Variants in TACC2 observed in about 807,000 individuals in gnomAD.
The protein encoded by TACC2 is transforming acidic coiled-coil containing protein 2.
In TACC2, 137 loss-of-function variants were observed where a neutral mutation model predicts 227.3. The observed-to-expected ratio is 0.60, with a 90% CI of 0.52 to 0.69. The LOEUF (loss-of-function observed/expected upper bound fraction) is 0.69, where lower values mean the gene tolerates loss of function less well. Among genes scored for constraint, TACC2 ranks in the 30% least tolerant of loss-of-function variants. TACC2 has a pLI of 0.00. For missense variants in TACC2, 3,470 were observed against 3,694.4 expected (o/e 0.94, Z 1.57); for synonymous variants, 1,523 against 1,487.5 (o/e 1.02, Z -0.55).
intron 2 of TACC2, among the ~76,000 whole-genome samples, chr10:122,047,837 C>T (rs550237656): frequency 4.6e-5 from 7 of 152,316 alleles, no homozygotes; most frequent in Non-Finnish European, 7.3e-5. Flanking sequence ...TGTTCTCTTT[C>T]CCCCACATTC....
chr10:122,070,571 T>G (rs1192329175), intron 3 of TACC2, among the ~76,000 whole-genome samples: 1 of 152,030 alleles, frequency 6.6e-6, no homozygotes, highest in Non-Finnish European at 1.5e-5. Flanking sequence ...CTGACCAACA[T>G]GGAGAAACCC....
At chr10:122,134,455 A>G (rs2089123091) in intron 6 of TACC2, among the ~76,000 whole-genome samples, 1 of 152,142 alleles carries the variant, frequency 6.6e-6, no homozygotes, top group Non-Finnish European at 1.5e-5. Flanking sequence ...CTGGGATTAC[A>G]GGCGTGAGCC....
At chr10:122,068,964 C>G (rs2136648949) in intron 3 of TACC2, among the ~76,000 whole-genome samples, 1 of 142,446 alleles carries the variant, frequency 7.0e-6, no homozygotes, top group East Asian at 2.2e-4. Flanking sequence ...TCCCAAAGTG[C>G]TGGCATTACA....
At chr10:122,046,904 G>A (rs1241020991) in intron 2 of TACC2, among the ~76,000 whole-genome samples, 1 of 152,106 alleles carries the variant, frequency 6.6e-6, no homozygotes, top group Non-Finnish European at 1.5e-5. Context: ...AAAAATGCAG[G>A]ACCCTGATAT....
intron 7 of TACC2, among the ~76,000 whole-genome samples, chr10:122,167,739 T>C (rs2093257611): frequency 6.6e-6 from 1 of 152,172 alleles, no homozygotes; most frequent in African/African-American, 2.4e-5. Context: ...CTGCAAAGAC[T>C]CTTGAGAAGA....
chr10:122,011,052 G>T (rs1955854853), intron 1 of TACC2, among the ~76,000 whole-genome samples: 1 of 152,188 alleles, frequency 6.6e-6, no homozygotes, highest in South Asian at 2.1e-4. Context: ...AATTTAGGTT[G>T]GCTCTTGGGT....
chr10:122,252,492 C>CT (rs1294906574), intron 22 of TACC2, among the ~76,000 whole-genome samples: 53 of 149,852 alleles, frequency 3.5e-4, no homozygotes, highest in African/African-American at 1.2e-3. Context: ...TTTTTTTTTT[C>CT]TTTCTTTTTT....
chr10:122,012,419 A>AAAAAAAAAC (rs1956062765), intron 1 of TACC2, among the ~76,000 whole-genome samples: 1 of 52,804 alleles, frequency 1.9e-5, no homozygotes, highest in Non-Finnish European at 3.8e-5. Flanking sequence ...ACTCCGTCTC[A>AAAAAAAAAC]AAAAAAAAAA....
At position 122,083,940 on chromosome 10, in the gene TACC2, G is replaced by T. The variant is rs1168555745; in HGVS notation, c.1440G>T (p.Glu480Asp). The change falls in exon 4 of 23, where the codon GAG (glutamate) becomes GAT (aspartate). Residue 480 changes from glutamate (E) to aspartate (D), a missense_variant. By Grantham distance (45) the Glu-to-Asp change is conservative (BLOSUM62 2). This residue lies in a region of TACC2 where 1,924 missense variants were observed against 1,978.3 expected (regional missense o/e 0.97). Coordinates refer to ENST00000369005, the MANE Select transcript of TACC2 (RefSeq NM_206862.4). ...RQVSDLGSKG[E>D]HPEGDPGEVP... ...TGTCAGATCTTGGAAGCAAGGGAGA[G>T]CATCCAGAAGGGGACCCTGGAGAGG... is the stretch of plus-strand genomic sequence containing the variant. 2 of 1,614,068 alleles carry T rather than the reference G, an allele frequency of 1.2e-6. No individual in the cohort carries two copies. The highest frequency in any genetic ancestry group is 1.7e-6 in the Non-Finnish European group (2 of 1,180,016).
chr10:122,225,509 G>A (rs2095610055), intron 12 of TACC2, among the ~76,000 whole-genome samples: 1 of 152,246 alleles, frequency 6.6e-6, no homozygotes, highest in African/African-American at 2.4e-5. Flanking sequence ...CCTGAGTAAA[G>A]CACATGGGCT....
At chr10:122,253,097 A>T (rs1033617054) in intron 22 of TACC2, among the ~76,000 whole-genome samples, 3 of 152,154 alleles carry the variant, frequency 2.0e-5, no homozygotes, top group African/African-American at 7.2e-5. Flanking sequence ...ATGTCTCAGG[A>T]GTTCTGAGGT....
Position 122,169,909 on chromosome 10 carries a change from C to G in TACC2, c.5835-25131C>G, listed in dbSNP as rs559010932. Among the ~76,000 whole-genome samples, 10 of 152,076 alleles carry G rather than the reference C, an allele frequency of 6.6e-5. No individual in the cohort carries two copies. In the East Asian group the frequency reaches 1.9e-3, roughly 30 times the overall value. ...GGGAATACGGGTGCACGCCACCATGCCTGGCTAATTTTTAAATTTTTTGTA... is the reference window on the plus strand; with the variant it reads ...GGGAATACGGGTGCACGCCACCATGGCTGGCTAATTTTTAAATTTTTTGTA... On this transcript the variant is annotated intron_variant, in intron 7 of 22. Coordinates refer to ENST00000369005, the MANE Select transcript of TACC2 (RefSeq NM_206862.4).
chr10:122,095,755 G>C (rs988508902), intron 5 of TACC2, among the ~76,000 whole-genome samples: 1 of 152,240 alleles, frequency 6.6e-6, no homozygotes, highest in Admixed American at 6.5e-5. Context: ...GTCCACCGAC[G>C]GTTCTTCAGT....
At chr10:122,139,548 G>C (rs1471202185) in intron 6 of TACC2, among the ~76,000 whole-genome samples, 1 of 152,168 alleles carries the variant, frequency 6.6e-6, no homozygotes, top group African/African-American at 2.4e-5. Flanking sequence ...GGCCTCCGTG[G>C]GACTGGCTGT....
intron 5 of TACC2, among the ~76,000 whole-genome samples, chr10:122,115,468 A>G (rs2084515011): frequency 6.6e-6 from 1 of 152,214 alleles, no homozygotes; most frequent in African/African-American, 2.4e-5. Flanking sequence ...TGGTTGTCCC[A>G]GTGACTGGGG....
At chr10:122,187,337 C>T (rs1468416633) in intron 7 of TACC2, among the ~76,000 whole-genome samples, 1 of 152,158 alleles carries the variant, frequency 6.6e-6, no homozygotes, top group Admixed American at 6.5e-5. Flanking sequence ...TCGGTACACT[C>T]TGGTGTCCAC....
Position 122,084,800 on chromosome 10 carries a change from G to T in TACC2, c.2300G>T (p.Cys767Phe). Reference sequence around the variant, plus strand: ...CCAGATCAACCCCGCGGGCCGGCGTGTGATGCGTCGAGACAGGAATTTCAT... The same window carrying T: ...CCAGATCAACCCCGCGGGCCGGCGTTTGATGCGTCGAGACAGGAATTTCAT... The part of the protein sequence containing the change: ...TSPDQPRGPA[C>F]DASRQEFHAG... The change falls in exon 4 of 23, where the codon TGT becomes TTT. Residue 767 changes from cysteine to phenylalanine, a missense_variant. Physicochemically the swap from Cys to Phe is radical, Grantham distance 205 (BLOSUM62 -2). Transcript: ENST00000369005. 5 of 1,613,676 alleles carry T rather than the reference G, an allele frequency of 3.1e-6. No individual in the cohort carries two copies. The highest frequency in any genetic ancestry group is 4.2e-6 in the Non-Finnish European group (5 of 1,180,028).
chr10:122,221,747 A>G (rs1415968990), intron 11 of TACC2, among the ~76,000 whole-genome samples: 2 of 152,180 alleles, frequency 1.3e-5, no homozygotes, highest in Non-Finnish European at 2.9e-5. Flanking sequence ...AAGGGTTTTT[A>G]TCTTAAAGTA....
Position 122,210,680 on chromosome 10 carries a change from G to T in TACC2, c.6255G>T (p.Arg2085=), listed in dbSNP as rs1261569123. Reference sequence around the variant, plus strand: ...CCATCTCTAAGTCTACACTGTCCCGGTCGCTCAGCCTGCAAGCCAGTGACT... The same window carrying T: ...CCATCTCTAAGTCTACACTGTCCCGTTCGCTCAGCCTGCAAGCCAGTGACT... ...SVPISKSTLS[R]SLSLQASDFD... The change falls in exon 9 of 23, where the codon CGG becomes CGT. Residue 2085 remains arginine (R), a synonymous_variant. Transcript: ENST00000369005. This position sits in a 1 kb window ranked among gnomAD's most constrained non-coding sequence, Gnocchi z 4.6. 7 of 1,613,940 alleles carry T rather than the reference G, an allele frequency of 4.3e-6. No homozygotes were observed. The South Asian group carries it at 5.5e-5, about 13-fold the overall frequency.
Sources: gnomAD v4.1 joint callset for allele counts (sites outside exome capture counted in the v4.1 genomes callset) on GRCh38, gnomAD v4.1.1 for gene constraint, gnomAD v4.1.1 regional missense constraint, Gnocchi (gnomAD v3.1) non-coding constraint, MANE v1.5 for transcripts, NCBI Gene and HGNC (gene_info 2026-07-23, HGNC 2026-07-21) for gene names.